NKAIN2: variants seen among roughly 807,000 people sequenced by gnomAD.
The protein encoded by NKAIN2 is sodium/potassium-transporting ATPase subunit beta-1-interacting protein 2.
Under a neutral mutation model 32.6 loss-of-function variants are expected in NKAIN2, and 14 were observed. That is an observed-to-expected ratio of 0.43 (90% CI 0.28 to 0.67). The LOEUF (loss-of-function observed/expected upper bound fraction) is 0.67. Among genes scored for constraint, NKAIN2 ranks in the 30% least tolerant of loss-of-function variants. The pLI is 0.17. For missense variants in NKAIN2, 198 were observed against 258.3 expected, an observed-to-expected ratio of 0.77 and a Z score of 1.60; for synonymous variants, 80 against 87.2, an observed-to-expected ratio of 0.92 and a Z score of 0.46.
chr6:123,957,973 A>G (rs982268752), intron 1 of NKAIN2, among the ~76,000 whole-genome samples: 14 of 152,326 alleles, frequency 9.2e-5, no homozygotes, highest in African/African-American at 2.2e-4. Context: ...TTTTATGGAA[A>G]GAAAATATAA....
At chr6:124,578,931 A>G (rs2086232) in intron 3 of NKAIN2, among the ~76,000 whole-genome samples, 1 of 152,194 alleles carries the variant, frequency 6.6e-6, no homozygotes, top group Non-Finnish European at 1.5e-5. Context: ...AAGGGAAGAG[A>G]ATAAGAGTCT....
intron 3 of NKAIN2, among the ~76,000 whole-genome samples, chr6:124,379,132 AGAGGGGAG>A (rs1800121917): frequency 4.7e-5 from 2 of 42,744 alleles, no homozygotes; most frequent in Non-Finnish European, 4.8e-5. Context: ...GGAGGGGAGG[AGAGGGGAG>A]GGGAGGGAGG....
At chr6:124,782,367 T>A (rs1207259409) in intron 4 of NKAIN2, among the ~76,000 whole-genome samples, 1 of 152,184 alleles carries the variant, frequency 6.6e-6, no homozygotes, top group Non-Finnish European at 1.5e-5. Context: ...TCTTCCAATC[T>A]AGTACCTCTA....
intron 2 of NKAIN2, among the ~76,000 whole-genome samples, chr6:124,353,090 G>T (rs1280020253): frequency 1.3e-5 from 2 of 152,166 alleles, no homozygotes; most frequent in Admixed American, 6.5e-5. Flanking sequence ...GTCTGAGAGG[G>T]AAGAATGGGT....
intron 1 of NKAIN2, among the ~76,000 whole-genome samples, chr6:124,016,991 T>C (rs1305605298): frequency 2.0e-5 from 3 of 152,210 alleles, no homozygotes; most frequent in South Asian, 2.1e-4. Context: ...CCCTGTGTAT[T>C]AGTCTGTTCT....
chr6:124,483,108 A>C (rs1777520065), intron 3 of NKAIN2, among the ~76,000 whole-genome samples: 1 of 151,986 alleles, frequency 6.6e-6, no homozygotes, highest in Non-Finnish European at 1.5e-5. Context: ...GACGACAGAG[A>C]CTGTGTTTCA....
chr6:124,107,445 G>T (rs1461091430), intron 1 of NKAIN2, among the ~76,000 whole-genome samples: 1 of 151,922 alleles, frequency 6.6e-6, no homozygotes, highest in East Asian at 1.9e-4. Flanking sequence ...TTATTGAGGT[G>T]GTAGCTCAAT....
intron 5 of NKAIN2, among the ~76,000 whole-genome samples, chr6:124,814,383 G>A (rs988930186): frequency 1.2e-4 from 18 of 152,148 alleles, no homozygotes; most frequent in African/African-American, 4.3e-4. Context: ...AAATTTGAAT[G>A]CCCCCTCATG....
chr6:124,727,112 A>G (rs1776366049), intron 4 of NKAIN2, among the ~76,000 whole-genome samples: 1 of 152,166 alleles, frequency 6.6e-6, no homozygotes, highest in Non-Finnish European at 1.5e-5. Context: ...TGGAGAATGG[A>G]ACCCAGTTGG....
intron 4 of NKAIN2, among the ~76,000 whole-genome samples, chr6:124,754,191 AT>A (rs1777855633): frequency 6.6e-6 from 1 of 152,060 alleles, no homozygotes; most frequent in Non-Finnish European, 1.5e-5. Flanking sequence ...ACCTGAAGTC[AT>A]TTGCAATGAC....
At chr6:124,000,179 T>TG (rs1310518918) in intron 1 of NKAIN2, among the ~76,000 whole-genome samples, 1 of 152,130 alleles carries the variant, frequency 6.6e-6, no homozygotes, top group Non-Finnish European at 1.5e-5. Flanking sequence ...TTGGTAACGA[T>TG]ATAATAACAA....
intron 1 of NKAIN2, among the ~76,000 whole-genome samples, chr6:124,259,211 A>G (rs1199583771): frequency 1.3e-5 from 2 of 152,160 alleles, no homozygotes; most frequent in African/African-American, 4.8e-5. Context: ...TTCTGTCTCA[A>G]ATTGGAATAA....
chr6:124,362,066 A>C (rs986917621), intron 3 of NKAIN2, among the ~76,000 whole-genome samples: 18 of 152,112 alleles, frequency 1.2e-4, no homozygotes, highest in Non-Finnish European at 2.9e-5. Flanking sequence ...TTCATGAGAT[A>C]AAAATATATG....
At chr6:123,850,743 A>G (rs907631687) in intron 1 of NKAIN2, among the ~76,000 whole-genome samples, 8 of 152,210 alleles carry the variant, frequency 5.3e-5, no homozygotes, top group African/African-American at 1.4e-4. Flanking sequence ...GTGGGAACAC[A>G]TAAAATCTAC....
chr6:124,792,874 AG>A (rs1388739664), intron 5 of NKAIN2, among the ~76,000 whole-genome samples: 1 of 152,144 alleles, frequency 6.6e-6, no homozygotes, highest in African/African-American at 2.4e-5. Flanking sequence ...ATGAAGATTA[AG>A]GAGTTTGGGC....
At chr6:124,244,247 C>A (rs927849762) in intron 1 of NKAIN2, among the ~76,000 whole-genome samples, 6 of 121,210 alleles carry the variant, frequency 5.0e-5, no homozygotes, top group African/African-American at 1.9e-4. Context: ...CCCCTCCCCC[C>A]ACCCCACAAC....
At chr6:124,334,181 C>G (rs1797774879) in intron 2 of NKAIN2, among the ~76,000 whole-genome samples, 1 of 152,180 alleles carries the variant, frequency 6.6e-6, no homozygotes, top group Non-Finnish European at 1.5e-5. Flanking sequence ...ACATGGTTCT[C>G]TCTTCAGGAG....
At chr6:123,833,396 G>A (rs1299228298) in intron 1 of NKAIN2, among the ~76,000 whole-genome samples, 5 of 152,038 alleles carry the variant, frequency 3.3e-5, no homozygotes, top group Non-Finnish European at 7.4e-5. Context: ...TCAATATTGT[G>A]TTGACTATTT....
chr6:124,413,911 G>A (rs605233), intron 3 of NKAIN2, among the ~76,000 whole-genome samples: 24,618 of 151,916 alleles, frequency 0.16, 2,299 homozygotes, highest in East Asian at 0.24. Context: ...TCATTTATTA[G>A]ATCCAGAAGC....
Sources: gnomAD v4.1 joint callset for allele counts (sites outside exome capture counted in the v4.1 genomes callset) on GRCh38, gnomAD v4.1.1 for gene constraint, MANE v1.5 for transcripts, NCBI Gene and HGNC (gene_info 2026-07-23, HGNC 2026-07-21) for gene names.